Variants in MEI4 observed in about 807,000 individuals in gnomAD.
The protein encoded by MEI4 is meiosis-specific protein MEI4.
A neutral mutation model predicts 31.4 loss-of-function variants in MEI4; 27 were observed. The observed-to-expected ratio is 0.86, with a 90% confidence interval of 0.63 to 1.19. The LOEUF is 1.19. Ranked by LOEUF, MEI4 falls within the 50% of genes most tolerant of loss-of-function variation. The pLI is 0.00. For synonymous variants in MEI4, 122 were observed against 145.4 expected (o/e 0.84, Z 1.16); for missense variants, 329 against 398.9 (o/e 0.82, Z 1.49).
chr6:77,853,732 T>C (rs1167544961), intron 4 of MEI4, among the ~76,000 whole-genome samples: 1 of 152,162 alleles, frequency 6.6e-6, no homozygotes, highest in Non-Finnish European at 1.5e-5. Context: ...TCATGAATAG[T>C]TCTATATCAG....
chr6:77,735,412 C>G (rs1426314657), intron 2 of MEI4, among the ~76,000 whole-genome samples: 2 of 151,984 alleles, frequency 1.3e-5, no homozygotes, highest in African/African-American at 2.4e-5. Flanking sequence ...ACCCTTTCTT[C>G]CAGTTGATCG....
rs143506918 is a variant in MEI4, at chr6:77,813,629, T to C, written c.769-15302T>C. ...CATGTCATCCTAATATGCAGAAGCT[T>C]TGGTGATGAAGGTAACCTTTGTTCC... On this transcript the variant is annotated intron_variant, in intron 3 of 4. Coordinates refer to ENST00000684080, the MANE Select transcript of MEI4 (RefSeq NM_001322247.2). 2.7e-3 allele frequency among the ~76,000 whole-genome samples: 409 copies of C among 152,154 alleles called. 1 individual carries two copies. The highest frequency in any genetic ancestry group is 9.6e-3 in the African/African-American group (400 of 41,548).
intron 4 of MEI4, among the ~76,000 whole-genome samples, chr6:77,836,105 TG>T (rs1770213968): frequency 1.3e-5 from 2 of 152,144 alleles, no homozygotes; most frequent in South Asian, 4.1e-4. Flanking sequence ...TCAAGATGCA[TG>T]TTTTTTGCAT....
At chr6:77,770,269 C>A (rs1401191013) in intron 3 of MEI4, among the ~76,000 whole-genome samples, 1 of 151,822 alleles carries the variant, frequency 6.6e-6, no homozygotes, top group African/African-American at 2.4e-5. Context: ...AAGATTGAAC[C>A]ATGAAGAAAT....
intron 1 of MEI4, among the ~76,000 whole-genome samples, chr6:77,675,555 A>C (rs77933651): frequency 6.6e-6 from 1 of 151,134 alleles, no homozygotes; most frequent in African/African-American, 2.4e-5. Context: ...TTTAAAAAAA[A>C]GGTTGAGTCA....
intron 2 of MEI4, among the ~76,000 whole-genome samples, chr6:77,737,550 G>C (rs1767284871): frequency 1.3e-5 from 2 of 152,314 alleles, no homozygotes; most frequent in Admixed American, 6.5e-5. Flanking sequence ...AATATTTAGA[G>C]AATTACGACT....
chr6:77,675,563 T>A (rs1768829001), intron 1 of MEI4, among the ~76,000 whole-genome samples: 2 of 149,880 alleles, frequency 1.3e-5, no homozygotes, highest in South Asian at 4.2e-4. Context: ...AAAGGTTGAG[T>A]CAAAATTGGT....
chr6:77,743,600 C>G (rs758553692), intron 2 of MEI4, among the ~76,000 whole-genome samples: 10 of 152,176 alleles, frequency 6.6e-5, no homozygotes, highest in Non-Finnish European at 1.5e-4. Context: ...TGTCTGTCAG[C>G]TTTGAAGATA....
At chr6:77,682,464 G>C (rs1026606276) in intron 1 of MEI4, among the ~76,000 whole-genome samples, 4 of 152,216 alleles carry the variant, frequency 2.6e-5, no homozygotes, top group Non-Finnish European at 5.9e-5. Context: ...TTTGGAGAGA[G>C]TAGACTCAGT....
intron 2 of MEI4, among the ~76,000 whole-genome samples, chr6:77,710,539 A>AAAAAAAAAAG (rs1561953994): frequency 1.7e-5 from 2 of 120,738 alleles, no homozygotes; most frequent in Non-Finnish European, 1.7e-5. Flanking sequence ...AAAAAAAAAA[A>AAAAAAAAAAG]AAAGAAAAGG....
intron 2 of MEI4, among the ~76,000 whole-genome samples, chr6:77,714,639 T>A (rs768563775): frequency 3.9e-5 from 6 of 152,212 alleles, no homozygotes; most frequent in Non-Finnish European, 5.9e-5. Flanking sequence ...TAGGAGCTGA[T>A]TCCATTCAAG....
chr6:77,897,812 C>A (rs1311601829), intron 4 of MEI4, among the ~76,000 whole-genome samples: 6 of 151,820 alleles, frequency 4.0e-5, no homozygotes, highest in South Asian at 4.2e-4. Flanking sequence ...CCAATCTATA[C>A]CCCTCACTCC....
chr6:77,690,074 C>T (rs1414417147), intron 1 of MEI4, among the ~76,000 whole-genome samples: 4 of 151,834 alleles, frequency 2.6e-5, no homozygotes, highest in South Asian at 2.1e-4. Flanking sequence ...AGAGTAGACT[C>T]GCAACTTAAA....
At chr6:77,872,523 T>C (rs1771219761) in intron 4 of MEI4, among the ~76,000 whole-genome samples, 1 of 152,002 alleles carries the variant, frequency 6.6e-6, no homozygotes, top group African/African-American at 2.4e-5. Flanking sequence ...GTGGCAGAGT[T>C]GTTATTTGTG....
rs76737494 is a variant in MEI4, at chr6:77,913,171, G to A, written c.901-9918G>A. On this transcript the variant is annotated intron_variant, in intron 4 of 4. Transcript: ENST00000684080. ...TCGCAGTGTATTTTCCTTTTGATGC[G>A]CTGTGTATTTGGTTTTCTAGCATAT... Among the ~76,000 whole-genome samples the A allele has an allele frequency of 9.4e-3, 1,424 of 152,130 alleles. 18 individuals carry two copies. Among genetic ancestry groups the A allele is most frequent in the African/African-American group, 0.032 (1,321 of 41,524 alleles).
intron 2 of MEI4, among the ~76,000 whole-genome samples, chr6:77,696,324 G>A (rs900897590): frequency 3.3e-5 from 5 of 152,040 alleles, no homozygotes; most frequent in Non-Finnish European, 7.4e-5. Context: ...GGTGAGAGAG[G>A]GCATCCCTGT....
intron 2 of MEI4, among the ~76,000 whole-genome samples, chr6:77,745,109 A>T (rs1350131939): frequency 1.3e-5 from 2 of 152,346 alleles, no homozygotes; most frequent in Non-Finnish European, 2.9e-5. Flanking sequence ...GATCAAATTC[A>T]CACATAACAA....
chr6:77,658,498 G>T (rs1205416926), intron 1 of MEI4, among the ~76,000 whole-genome samples: 1 of 152,074 alleles, frequency 6.6e-6, no homozygotes, highest in Non-Finnish European at 1.5e-5. Flanking sequence ...AAACAAAATA[G>T]TGTTGAAGTG....
At chr6:77,779,022 G>T (rs868214268) in intron 3 of MEI4, among the ~76,000 whole-genome samples, 2 of 152,120 alleles carry the variant, frequency 1.3e-5, no homozygotes, top group Middle Eastern at 3.2e-3. Flanking sequence ...GAGCTTAAAG[G>T]AAAGTACTGG....
Sources: gnomAD v4.1 joint callset for allele counts (sites outside exome capture counted in the v4.1 genomes callset) on GRCh38, gnomAD v4.1.1 for gene constraint, MANE v1.5 for transcripts, NCBI Gene and HGNC (gene_info 2026-07-23, HGNC 2026-07-21) for gene names.